The following DLG5 variants were observed in gnomAD, a reference collection of about 807,000 sequenced individuals.
The protein encoded by DLG5 is disks large homolog 5.
DLG5 carries 48 observed loss-of-function variants against 189.8 expected under a neutral mutation model. The observed-to-expected ratio is 0.25, with a 90% confidence interval of 0.20 to 0.32. DLG5 has a LOEUF of 0.32. DLG5 is among the 10% of genes least tolerant of loss of function. DLG5 has a pLI of 1.00. For missense variants in DLG5, 2,160 were observed against 2,544.7 expected (o/e 0.85, Z 3.25); for synonymous variants, 1,016 against 1,054.1 (o/e 0.96, Z 0.70).
chr10:77,900,338 C>G (rs61855850), intron 1 of DLG5, among the ~76,000 whole-genome samples: 1 of 152,202 alleles, frequency 6.6e-6, no homozygotes, highest in Non-Finnish European at 1.5e-5. Context: ...CCTGGCACAC[C>G]TGGCTGTGTC....
intron 2 of DLG5, among the ~76,000 whole-genome samples, chr10:77,859,143 TC>T (rs1345535147): frequency 6.6e-6 from 1 of 152,212 alleles, no homozygotes; most frequent in African/African-American, 2.4e-5. Context: ...CCCAAAGTGG[TC>T]GGATTACAGG....
At position 77,817,893 on chromosome 10, in the gene DLG5, C is replaced by A; in HGVS notation, c.3672-4G>T. ...CAGGCGTCCCTGGTGCTGGACACTG[C>A]GTAAAAACAAGAGGTGAGGAGTTCG... On this transcript the variant is annotated splice_polypyrimidine_tract_variant and splice_region_variant and intron_variant, in intron 17 of 31. Coordinates refer to ENST00000372391, the MANE Select transcript of DLG5 (RefSeq NM_004747.4). 6.4e-7 allele frequency: 1 copy of A among 1,550,538 alleles called. No individual in the cohort carries two copies. Among genetic ancestry groups the A allele is most frequent in the Non-Finnish European group, 8.7e-7 (1 of 1,146,412 alleles).
rs373382824 is a variant in DLG5, at chr10:77,830,370, G to A, written c.1882-26C>T. The A allele has an allele frequency of 5.4e-4, 864 of 1,613,956 alleles. 11 individuals are homozygous for A. The South Asian group carries it at 7.9e-3, about 15-fold the overall frequency. Reference sequence around the variant, plus strand: ...CTGCAAAAACAGCAGCAACAGCAACGCATTTCACAAAGCAGTGACAGAGAC... The same window carrying A: ...CTGCAAAAACAGCAGCAACAGCAACACATTTCACAAAGCAGTGACAGAGAC... On this transcript the variant is annotated intron_variant, in intron 10 of 31. Coordinates refer to ENST00000372391, the MANE Select transcript of DLG5 (RefSeq NM_004747.4).
the DLG5 span, among the ~76,000 whole-genome samples, chr10:77,936,235 C>T: frequency 2.0e-5 from 3 of 152,028 alleles, no homozygotes; most frequent in East Asian, 5.8e-4. Flanking sequence ...GTCAGGAGAT[C>T]GAGACCATCC....
At chr10:77,909,652 T>C (rs1846161685) in intron 1 of DLG5, among the ~76,000 whole-genome samples, 1 of 151,988 alleles carries the variant, frequency 6.6e-6, no homozygotes, top group African/African-American at 2.4e-5. Flanking sequence ...TACAGAAAGG[T>C]GGTTTGCCAT....
intron 20 of DLG5, chr10:77,816,188 G>A (rs961313585): frequency 2.1e-5 from 11 of 531,544 alleles, no homozygotes; most frequent in African/African-American, 7.5e-5. Flanking sequence ...GTGAAACAGG[G>A]ATAACAATAA....
At chr10:77,829,594 A>G in intron 11 of DLG5, 64 bp from the exon 12 acceptor site, 1 of 1,524,198 alleles carries the variant, frequency 6.6e-7, no homozygotes, top group Non-Finnish European at 8.8e-7. Context: ...TACCGCCCAC[A>G]ACTCTCACTC....
chr10:77,816,214 G>C (rs949490700), intron 20 of DLG5: 7 of 582,948 alleles, frequency 1.2e-5, no homozygotes, highest in African/African-American at 9.1e-5. Context: ...ACACTGGCAG[G>C]GTCCCTGTAA....
intron 1 of DLG5, among the ~76,000 whole-genome samples, chr10:77,917,509 T>A (rs1846396610): frequency 1.6e-5 from 2 of 123,130 alleles, no homozygotes; most frequent in Admixed American, 8.9e-5. Context: ...AGCAACAGAG[T>A]GAGACTCCAT....
chr10:77,864,046 A>G (rs1844576729), intron 2 of DLG5, among the ~76,000 whole-genome samples: 1 of 152,152 alleles, frequency 6.6e-6, no homozygotes, highest in Non-Finnish European at 1.5e-5. Context: ...CCTGGGTGTA[A>G]GAAGGAGGGC....
chr10:77,854,530 A>T (rs1844136953), intron 3 of DLG5, among the ~76,000 whole-genome samples, 160 bp from the exon 4 acceptor site: 1 of 152,128 alleles, frequency 6.6e-6, no homozygotes, highest in African/African-American at 2.4e-5. Flanking sequence ...TCCTGGCCTC[A>T]CTCAGACCCA....
intron 1 of DLG5, among the ~76,000 whole-genome samples, chr10:77,919,576 G>C (rs1468061800): frequency 8.1e-6 from 1 of 123,334 alleles, no homozygotes; most frequent in Non-Finnish European, 1.6e-5. Context: ...CAGATCTCCA[G>C]TTCAGGGCTT....
chr10:77,929,664 GC>G (rs2131895662), upstream of DLG5: 1 of 152,368 alleles, frequency 6.6e-6, no homozygotes, highest in South Asian at 2.1e-4. Context: ...TGATGCGGCT[GC>G]AAGCCAAGGA....
At chr10:77,877,176 T>A (rs1845126794) in intron 1 of DLG5, among the ~76,000 whole-genome samples, 1 of 152,108 alleles carries the variant, frequency 6.6e-6, no homozygotes, top group Non-Finnish European at 1.5e-5. Flanking sequence ...CCACCCAAAA[T>A]GCCCCAAGGC....
chr10:77,835,120 T>G (rs907019494), intron 8 of DLG5, among the ~76,000 whole-genome samples: 1 of 152,056 alleles, frequency 6.6e-6, no homozygotes. Flanking sequence ...TCCCCACGAC[T>G]TGCCCACGTC....
rs775906014 is a variant in DLG5 at position 77,926,179 on chromosome 10, C to G, written c.304+38G>C. On this transcript the variant is annotated intron_variant, in intron 1 of 31. Transcript: ENST00000372391. This position sits in a 1 kb window ranked among gnomAD's most constrained non-coding sequence, Gnocchi z 5.2. ...GCCAGCAGGAGGGAGAAGCGGAGGGCGCGTCCCAGAGGCGGGGGCCAAGGG... is the reference window on the plus strand; with the variant it reads ...GCCAGCAGGAGGGAGAAGCGGAGGGGGCGTCCCAGAGGCGGGGGCCAAGGG... 1 of 1,337,226 alleles carries G rather than the reference C, an allele frequency of 7.5e-7. No individual in the cohort carries two copies. Among genetic ancestry groups the G allele is most frequent in the Admixed American group, 3.4e-5 (1 of 29,150 alleles). 82.8% of individuals were successfully genotyped at this position (1,337,226 alleles called of 1,614,324 possible).
In DLG5 at chr10:77,876,144, T is replaced by C. The variant is rs553079843; in HGVS notation, c.305-6947A>G. ...TAATGCTATAGTATTTTCCACCAAGTTTTGGAACAAGCAGCATCACTGCGC... is the reference window on the plus strand; with the variant it reads ...TAATGCTATAGTATTTTCCACCAAGCTTTGGAACAAGCAGCATCACTGCGC... On this transcript the variant is annotated intron_variant, in intron 1 of 31. Transcript: ENST00000372391. Among the ~76,000 whole-genome samples the C allele has an allele frequency of 9.9e-5, 15 of 152,038 alleles. No homozygotes were observed. In the South Asian group the frequency reaches 2.9e-3, roughly 29 times the overall value.
intron 1 of DLG5, among the ~76,000 whole-genome samples, chr10:77,874,348 G>A (rs1845018494): frequency 6.6e-6 from 1 of 152,224 alleles, no homozygotes; most frequent in African/African-American, 2.4e-5. Flanking sequence ...AGTAAAATGG[G>A]ATGATAGAAG....
At chr10:77,798,996 TA>T (rs960012914) in intron 27 of DLG5, among the ~76,000 whole-genome samples, 14 of 152,048 alleles carry the variant, frequency 9.2e-5, no homozygotes, top group Non-Finnish European at 1.9e-4. Flanking sequence ...TGTTAATGGT[TA>T]AAAAAAACCA....
Sources: allele counts gnomAD v4.1 joint callset (sites outside exome capture counted in the v4.1 genomes callset), GRCh38; gene constraint gnomAD v4.1.1; non-coding constraint Gnocchi (gnomAD v3.1); transcripts MANE v1.5; gene names NCBI Gene and HGNC (gene_info 2026-07-23, HGNC 2026-07-21).